The following GRIP1 variants were observed in gnomAD, a reference collection of about 807,000 sequenced individuals.
GRIP1 encodes glutamate receptor interacting protein 1.
In GRIP1, 45 loss-of-function variants were observed where a neutral mutation model predicts 129.9. That is an observed-to-expected ratio of 0.35 (90% CI 0.27 to 0.44). The LOEUF is 0.44. Among genes scored for constraint, GRIP1 ranks in the 20% least tolerant of loss-of-function variants. The probability of loss-of-function intolerance (pLI) is 1.00; values close to 1 mark genes in which losing one functional copy is unlikely to be tolerated. For missense variants in GRIP1, 1,196 were observed against 1,396.8 expected, an observed-to-expected ratio of 0.86 and a Z score of 2.29; for synonymous variants, 530 against 520.8, an observed-to-expected ratio of 1.02 and a Z score of -0.24.
chr12:66,974,135 G>A (rs1016516413), intron 1 of GRIP1, among the ~76,000 whole-genome samples: 1 of 151,890 alleles, frequency 6.6e-6, no homozygotes, highest in African/African-American at 2.4e-5. Context: ...TGTTGGCCAG[G>A]CTGGTCTTGA....
chr12:66,875,545 A>G (rs920072018), intron 1 of GRIP1, among the ~76,000 whole-genome samples: 1 of 152,030 alleles, frequency 6.6e-6, no homozygotes, highest in Non-Finnish European at 1.5e-5. Context: ...TATCACTGCT[A>G]CTCAGTCAGT....
chr12:66,780,765 A>C (rs1356731269), intron 1 of GRIP1, among the ~76,000 whole-genome samples: 1 of 152,144 alleles, frequency 6.6e-6, no homozygotes, highest in East Asian at 1.9e-4. Flanking sequence ...CAGATCATAA[A>C]AATGCCATGC....
rs546268897 is a variant in GRIP1 at position 66,465,190 on chromosome 12, C to T, written c.872+85G>A. On this transcript the variant is annotated intron_variant, in intron 8 of 24. Coordinates refer to ENST00000359742, the MANE Select transcript of GRIP1 (RefSeq NM_001366722.1). ...CGAACTCCTGACCTCAGGTGATTCA[C>T]CCGCCTCGGCCTCCCAAAGTGTTGG... 6.1e-5 allele frequency: 71 copies of T among 1,157,438 alleles called. No homozygotes were observed. In the African/African-American group the frequency reaches 1.0e-3, roughly 17 times the overall value. The allele number at this position is 1,157,438 out of a possible 1,614,324, so 71.7% of individuals were successfully genotyped here.
At chr12:66,580,849 C>T (rs1361861572) in intron 2 of GRIP1, among the ~76,000 whole-genome samples, 10 of 151,610 alleles carry the variant, frequency 6.6e-5, no homozygotes, top group East Asian at 5.8e-4. Context: ...GACAGATCAA[C>T]GAGACAGAAA....
intron 1 of GRIP1, among the ~76,000 whole-genome samples, chr12:66,977,794 T>C (rs1000061095): frequency 6.6e-6 from 1 of 150,486 alleles, no homozygotes; most frequent in African/African-American, 2.4e-5. Context: ...TATAGTCAGT[T>C]CTAGAGCTGA....
At chr12:66,843,583 A>C (rs1409975774) in intron 1 of GRIP1, among the ~76,000 whole-genome samples, 1 of 152,142 alleles carries the variant, frequency 6.6e-6, no homozygotes, top group Non-Finnish European at 1.5e-5. Context: ...ACAGTAATCA[A>C]AACAGTGCTA....
chr12:66,392,432 C>G lies in GRIP1; in HGVS notation c.2340G>C (p.Glu780Asp). 6.2e-7 allele frequency: 1 copy of G among 1,614,086 alleles called. No individual in the cohort carries two copies. The highest frequency in any genetic ancestry group is 8.5e-7 in the Non-Finnish European group (1 of 1,179,932). ...CTGGCTTCTGTGCTGGTGAGGAGTCCTCCTCCACATCCCCCAGGTCACTCA... is the reference window on the plus strand; with the variant it reads ...CTGGCTTCTGTGCTGGTGAGGAGTCGTCCTCCACATCCCCCAGGTCACTCA... ...SHLSDLGDVEEDSSPAQKPGK... is the reference protein window; with the variant it reads ...SHLSDLGDVEDDSSPAQKPGK... The change falls in exon 19 of 25, where the codon GAG becomes GAC. Residue 780 changes from glutamate to aspartate, a missense_variant. Physicochemically the swap from Glu to Asp is conservative, Grantham distance 45. Around this residue, in one of 5 missense-constraint regions of GRIP1, gnomAD observed 427 missense variants for 463.3 expected, o/e 0.92. Transcript: ENST00000359742.
chr12:66,743,838 T>C (rs921395046), intron 1 of GRIP1, among the ~76,000 whole-genome samples: 2 of 152,208 alleles, frequency 1.3e-5, no homozygotes, highest in Admixed American at 1.3e-4. Flanking sequence ...ATGGAAAGAC[T>C]GAAATCTTTG....
intron 2 of GRIP1, among the ~76,000 whole-genome samples, chr12:66,577,233 T>C (rs1044267024): frequency 2.6e-5 from 4 of 152,318 alleles, no homozygotes; most frequent in South Asian, 4.1e-4. Context: ...TCAGAAAGAT[T>C]AGAAGAGCCA....
chr12:66,705,117 T>C (rs2035482209), intron 1 of GRIP1, among the ~76,000 whole-genome samples: 1 of 152,064 alleles, frequency 6.6e-6, no homozygotes, highest in African/African-American at 2.4e-5. Context: ...AGGGCTGAAA[T>C]CATTTTTACT....
At chr12:66,865,403 A>G (rs1810636447) in intron 1 of GRIP1, among the ~76,000 whole-genome samples, 1 of 152,008 alleles carries the variant, frequency 6.6e-6, no homozygotes, top group Non-Finnish European at 1.5e-5. Flanking sequence ...AATGAGGAAA[A>G]CGCTTTCCTT....
chr12:66,882,179 G>A (rs1008591017), intron 1 of GRIP1, among the ~76,000 whole-genome samples: 3 of 144,826 alleles, frequency 2.1e-5, no homozygotes, highest in Admixed American at 7.1e-5. Context: ...CCTATTGCCC[G>A]TGCCCCATGT....
Position 66,824,069 on chromosome 12 carries a change from A to G in GRIP1, c.59-227142T>C, listed in dbSNP as rs1161111149. Among the ~76,000 whole-genome samples, 7 of 152,188 alleles carry G rather than the reference A, an allele frequency of 4.6e-5. 1 individual carries two copies. ...TTTCATTCTTTGTACAAGTCTGACA[A>G]GTTTTCAAGTTTAATAGCATTAGCA... On this transcript the variant is annotated intron_variant, in intron 1 of 1. Coordinates refer to the GRIP1 transcript ENST00000643019.
At chr12:66,914,218 G>A (rs1249708306) in intron 1 of GRIP1, among the ~76,000 whole-genome samples, 2 of 152,060 alleles carry the variant, frequency 1.3e-5, no homozygotes, top group East Asian at 3.9e-4. Context: ...CTCAAAATGG[G>A]GGGTAGGCAC....
chr12:66,764,694 G>A (rs2037574339), intron 1 of GRIP1, among the ~76,000 whole-genome samples: 1 of 152,222 alleles, frequency 6.6e-6, no homozygotes, highest in African/African-American at 2.4e-5. Flanking sequence ...GGGAGTTTGT[G>A]TTTTCTCTCC....
At chr12:66,719,704 G>C (rs958520169) in intron 1 of GRIP1, among the ~76,000 whole-genome samples, 1 of 152,192 alleles carries the variant, frequency 6.6e-6, no homozygotes, top group African/African-American at 2.4e-5. Flanking sequence ...TTGGCCATGA[G>C]GCCTTGGTCT....
intron 1 of GRIP1, among the ~76,000 whole-genome samples, chr12:67,058,892 A>G (rs1368917933): frequency 6.6e-6 from 1 of 152,242 alleles, no homozygotes; most frequent in African/African-American, 2.4e-5. Context: ...GCAAAGAAAG[A>G]GAAAAAAGGA....
chr12:67,002,198 A>G (rs985410798), intron 1 of GRIP1, among the ~76,000 whole-genome samples: 6 of 152,204 alleles, frequency 3.9e-5, no homozygotes, highest in African/African-American at 1.2e-4. Context: ...GATGCAACTA[A>G]TTTTTATTCA....
intron 1 of GRIP1, among the ~76,000 whole-genome samples, chr12:67,004,552 C>T (rs553183221): frequency 1.3e-5 from 2 of 151,962 alleles, no homozygotes; most frequent in Admixed American, 1.3e-4. Flanking sequence ...CATCAACAAG[C>T]CTGGCCATGG....
Sources: allele counts gnomAD v4.1 joint callset (sites outside exome capture counted in the v4.1 genomes callset), GRCh38; gene constraint gnomAD v4.1.1; regional missense constraint gnomAD v4.1.1; transcripts MANE v1.5; gene names NCBI Gene and HGNC (gene_info 2026-07-23, HGNC 2026-07-21).